Variants in MED30 observed in about 807,000 individuals in gnomAD.
The protein encoded by MED30 is mediator of RNA polymerase II transcription subunit 30.
In MED30, 8 loss-of-function variants were observed where a neutral mutation model predicts 21.7. That is an observed-to-expected ratio of 0.37 (90% CI 0.22 to 0.67). MED30 has a LOEUF of 0.67. Among genes scored for constraint, MED30 ranks in the 30% least tolerant of loss-of-function variants. The pLI is 0.58. For missense variants in MED30, 203 were observed against 228.2 expected, an observed-to-expected ratio of 0.89 and a Z score of 0.71; for synonymous variants, 79 against 86.7, an observed-to-expected ratio of 0.91 and a Z score of 0.49.
At chr8:117,521,111 GT>G (rs1818609045) in intron 1 of MED30, 58 bp downstream of exon 1, 1 of 1,493,378 alleles carries the variant, frequency 6.7e-7, no homozygotes, top group South Asian at 1.3e-5. Context: ...AGGGCCTCTG[GT>G]TTCCTCTTTA....
intron 1 of MED30, among the ~76,000 whole-genome samples, chr8:117,524,224 A>C (rs1423958711): frequency 6.6e-6 from 1 of 152,214 alleles, no homozygotes; most frequent in Non-Finnish European, 1.5e-5. Context: ...TTTCCAAAAA[A>C]ACTAGAAGAG....
At chr8:117,534,235 TCTTTA>T (rs1818833602) in intron 3 of MED30, among the ~76,000 whole-genome samples, 1 of 152,110 alleles carries the variant, frequency 6.6e-6, no homozygotes, top group African/African-American at 2.4e-5. Flanking sequence ...GACCACTCCC[TCTTTA>T]CTTTTCATCT....
Position 117,528,655 on chromosome 8 carries a change from C to T in MED30, c.182C>T (p.Pro61Leu). The change falls in exon 2 of 4, where the codon CCA (proline) becomes CTA (leucine). Residue 61 changes from proline (P) to leucine (L), a missense_variant. Physicochemically the swap from Pro to Leu is moderately conservative, Grantham distance 98. Coordinates refer to ENST00000297347, the MANE Select transcript of MED30 (RefSeq NM_080651.4). ...IFQLLRNMQL[P>L]NGVTYHTGTY... ...TTCTTTGTTTTTCCTGATAAGCTGC[C>T]AAATGGTGTCACTTACCACACTGGA... 1 of 1,559,470 alleles carries T rather than the reference C, an allele frequency of 6.4e-7. No individual in the cohort carries two copies. Among genetic ancestry groups the T allele is most frequent in the South Asian group, 1.2e-5 (1 of 82,786 alleles).
At chr8:117,521,743 CAAT>C (rs1818626280) in intron 1 of MED30, among the ~76,000 whole-genome samples, 1 of 151,870 alleles carries the variant, frequency 6.6e-6, no homozygotes. Flanking sequence ...AAGAATGCAT[CAAT>C]AATTTCCTTT....
intron 1 of MED30, among the ~76,000 whole-genome samples, chr8:117,525,792 C>G (rs369360038): frequency 4.9e-4 from 75 of 152,176 alleles, no homozygotes; most frequent in African/African-American, 1.7e-3. Context: ...AGCTGCCTAT[C>G]TTTTATGTAT....
chr8:117,527,160 C>G (rs778559802), intron 1 of MED30, among the ~76,000 whole-genome samples: 5 of 151,928 alleles, frequency 3.3e-5, no homozygotes, highest in Non-Finnish European at 5.9e-5. Flanking sequence ...TTTCTGTCAC[C>G]TAAACAAGAA....
At chr8:117,538,528 T>A (rs1160856478) in intron 3 of MED30, among the ~76,000 whole-genome samples, 1 of 152,186 alleles carries the variant, frequency 6.6e-6, no homozygotes, top group Non-Finnish European at 1.5e-5. Context: ...TTAGGCCTCT[T>A]TTTAATAAGC....
In MED30 at chr8:117,523,900, G is replaced by A. The variant is rs1030637274; in HGVS notation, c.177+2847G>A. 6 of 370,606 alleles carry A rather than the reference G, an allele frequency of 1.6e-5. No homozygotes were observed. In the East Asian group the frequency reaches 2.1e-4, roughly 13 times the overall value. 23.0% of individuals were successfully genotyped at this position (370,606 alleles called of 1,614,324 possible). A position where few individuals can be genotyped will look rare whatever the true frequency, so the allele number is the denominator to read the frequency against. On this transcript the variant is annotated intron_variant, in intron 1 of 3. Transcript: ENST00000297347. ...CGGGCGCCTGTAATCCCAGCTACTC[G>A]GGAGGCTGGGGCAGGAGAATCGCTT...
intron 2 of MED30, among the ~76,000 whole-genome samples, chr8:117,529,385 T>C (rs564942299): frequency 6.6e-6 from 1 of 151,654 alleles, no homozygotes; most frequent in Admixed American, 6.6e-5. Context: ...CAGAGAAAAA[T>C]TAAACTGCAA....
rs1033554889 is a variant in MED30 at position 117,520,818 on chromosome 8, C to T, written c.-59C>T. ...CTGAGGCCCCACAGCCTCCCAATTC[C>T]GGGCAGACCCCTGACACCTGCTGTC... On this transcript the variant is annotated 5_prime_UTR_variant, in exon 1 of 4. Coordinates refer to ENST00000297347, the MANE Select transcript of MED30 (RefSeq NM_080651.4). The T allele has an allele frequency of 2.2e-5, 32 of 1,467,356 alleles. No individual in the cohort carries two copies. Among genetic ancestry groups the T allele is most frequent in the Non-Finnish European group, 2.8e-5 (31 of 1,102,050 alleles). The allele number at this position is 1,467,356 out of a possible 1,614,324, so 90.9% of individuals were successfully genotyped here. A position where few individuals can be genotyped will look rare whatever the true frequency, so the allele number is the denominator to read the frequency against.
intron 2 of MED30, 94 bp downstream of exon 2, chr8:117,528,903 T>C (rs1818759085): frequency 1.9e-6 from 2 of 1,072,750 alleles, no homozygotes. Flanking sequence ...GTTTTAGCAA[T>C]ATTTCCAGGT....
chr8:117,535,334 T>G (rs1175779067), intron 3 of MED30, among the ~76,000 whole-genome samples: 2 of 149,640 alleles, frequency 1.3e-5, no homozygotes, highest in Non-Finnish European at 3.0e-5. Flanking sequence ...GTTCAAGCAA[T>G]TCTCCTGCCT....
In MED30 at chr8:117,520,754, A is replaced by T; in HGVS notation, c.-123A>T. Reference sequence around the variant, plus strand: ...GGCGGAAGTCGCGGCCGCTGTTTTGAAATCGGGCCGCGGGGGGTCTCTCAA... The same window carrying T: ...GGCGGAAGTCGCGGCCGCTGTTTTGTAATCGGGCCGCGGGGGGTCTCTCAA... On this transcript the variant is annotated 5_prime_UTR_variant, in exon 1 of 4. Transcript: ENST00000297347. 7 of 1,018,326 alleles carry T rather than the reference A, an allele frequency of 6.9e-6. No homozygotes were observed. Among genetic ancestry groups the T allele is most frequent in the Non-Finnish European group, 6.9e-6 (5 of 729,614 alleles). 63.1% of individuals were successfully genotyped at this position (1,018,326 alleles called of 1,614,324 possible).
At chr8:117,538,233 GT>G (rs1222371609) in intron 3 of MED30, among the ~76,000 whole-genome samples, 2 of 152,158 alleles carry the variant, frequency 1.3e-5, no homozygotes, top group Non-Finnish European at 2.9e-5. Context: ...AGCAGTTTTT[GT>G]TTCCCGAAGA....
intron 3 of MED30, among the ~76,000 whole-genome samples, chr8:117,532,509 C>G (rs552516563): frequency 2.6e-5 from 4 of 151,972 alleles, no homozygotes; most frequent in African/African-American, 7.2e-5. Context: ...TTTAATATGA[C>G]AGAAGAGGGC....
At chr8:117,522,818 G>A (rs1042224692) in intron 1 of MED30, among the ~76,000 whole-genome samples, 5 of 151,950 alleles carry the variant, frequency 3.3e-5, no homozygotes, top group Admixed American at 6.5e-5. Context: ...AATAAAGTAC[G>A]GATTAAATAA....
At chr8:117,526,480 T>A (rs137943210) in intron 1 of MED30, among the ~76,000 whole-genome samples, 39 of 152,124 alleles carry the variant, frequency 2.6e-4, no homozygotes, top group Non-Finnish European at 5.4e-4. Flanking sequence ...TTTATTGAGT[T>A]TTATATTGAT....
chr8:117,523,468 C>G, intron 1 of MED30: 2 of 1,582,114 alleles, frequency 1.3e-6, no homozygotes, highest in Non-Finnish European at 1.7e-6. Flanking sequence ...AGTCTCTGGA[C>G]GGCTGCGGCG....
chr8:117,521,081 G>C, intron 1 of MED30, 28 bp downstream of exon 1: 1 of 1,558,162 alleles, frequency 6.4e-7, no homozygotes. Context: ...CGAGGCCAGG[G>C]GGATGCAGCT....
Sources: gnomAD v4.1 joint callset for allele counts (sites outside exome capture counted in the v4.1 genomes callset) on GRCh38, gnomAD v4.1.1 for gene constraint, MANE v1.5 for transcripts, NCBI Gene and HGNC (gene_info 2026-07-23, HGNC 2026-07-21) for gene names.